GABRG2: variants seen among roughly 807,000 people sequenced by gnomAD.
GABRG2 encodes the protein gamma-aminobutyric acid receptor subunit gamma-2.
Under a neutral mutation model 56.4 loss-of-function variants are expected in GABRG2, and 16 were observed. That is an observed-to-expected ratio of 0.28 (90% confidence interval 0.19 to 0.43). GABRG2 has a LOEUF of 0.43. Among genes scored for constraint, GABRG2 ranks in the 20% least tolerant of loss-of-function variants. GABRG2 has a pLI of 1.00. For synonymous variants in GABRG2, 208 were observed against 205.5 expected, an observed-to-expected ratio of 1.01 and a Z score of -0.10; for missense variants, 327 against 582.7, an observed-to-expected ratio of 0.56 and a Z score of 4.52.
intron 6 of GABRG2, among the ~76,000 whole-genome samples, chr5:162,112,260 A>AT (rs3839307): frequency 2.1e-4 from 31 of 150,748 alleles, no homozygotes; most frequent in African/African-American, 6.6e-4. Context: ...TCAAAAAAGC[A>AT]TTTTTTTTTT....
At chr5:162,113,132 G>A (rs1762372683) in intron 6 of GABRG2, among the ~76,000 whole-genome samples, 1 of 151,924 alleles carries the variant, frequency 6.6e-6, no homozygotes, top group Admixed American at 6.6e-5. Flanking sequence ...TAGAGACGGG[G>A]TTTCACCATG....
chr5:162,085,896 A>C (rs1243949064), intron 1 of GABRG2, among the ~76,000 whole-genome samples: 7 of 151,706 alleles, frequency 4.6e-5, no homozygotes, highest in Admixed American at 4.6e-4. Flanking sequence ...ATGTCCCTGC[A>C]AAGGACATGA....
chr5:162,116,690 A>G (rs969757179), intron 6 of GABRG2, among the ~76,000 whole-genome samples: 5 of 151,962 alleles, frequency 3.3e-5, no homozygotes, highest in African/African-American at 4.8e-5. Context: ...TAACAATAGT[A>G]TAATCCTTTA....
At chr5:162,145,606 GTC>G (rs766135250) in intron 7 of GABRG2, among the ~76,000 whole-genome samples, 4 of 152,184 alleles carry the variant, frequency 2.6e-5, no homozygotes, top group Non-Finnish European at 5.9e-5. Context: ...TTCTTCAAGA[GTC>G]TACTTCTACA....
rs1332659251 is a variant in GABRG2 at position 162,125,756 on chromosome 5, A to C, written c.770-16408A>C. On this transcript the variant is annotated intron_variant, in intron 6 of 9. Transcript: ENST00000639213. Reference sequence around the variant, plus strand: ...AGTGGTTGTAATGACCAACCAAAAAACTTACACAGAGTAAGGAAGGAGAGA... The same window carrying C: ...AGTGGTTGTAATGACCAACCAAAAACCTTACACAGAGTAAGGAAGGAGAGA... Among the ~76,000 whole-genome samples, 7 of 151,944 alleles carry C rather than the reference A, an allele frequency of 4.6e-5. No individual in the cohort carries two copies. The East Asian group carries it at 1.2e-3, about 25-fold the overall frequency.
At chr5:162,125,710 A>G (rs115562073) in intron 6 of GABRG2, among the ~76,000 whole-genome samples, 2,439 of 151,914 alleles carry the variant, frequency 0.016, 71 homozygotes, top group African/African-American at 0.055. Flanking sequence ...TGAACGTAAT[A>G]AAAGACAGGA....
chr5:162,149,278 C>A lies in GABRG2; in HGVS notation c.1093C>A (p.Pro365Thr). ...TLHYFVSNRK[P>T]SKDKDKKKKN... ...GCATTATTTTGTCAGCAACCGGAAA[C>A]CAAGCAAGGACAAAGATAAAAAGAA... is the stretch of plus-strand genomic sequence containing the variant. The change falls in exon 8 of 10, where the codon CCA becomes ACA. Residue 365 changes from proline to threonine, a missense_variant. This residue lies in a region of GABRG2 where 108 missense variants were observed against 144.2 expected (regional missense o/e 0.75). Coordinates refer to ENST00000639213, the MANE Select transcript of GABRG2 (RefSeq NM_198904.4). 1 of 1,614,094 alleles carries A rather than the reference C, an allele frequency of 6.2e-7. No homozygotes were observed. Among genetic ancestry groups the A allele is most frequent in the Non-Finnish European group, 8.5e-7 (1 of 1,180,020 alleles).
At chr5:162,152,086 C>G (rs780335690) in intron 9 of GABRG2, 7 of 243,204 alleles carry the variant, frequency 2.9e-5, no homozygotes, top group Non-Finnish European at 5.5e-5. Flanking sequence ...CAAGTTTGTA[C>G]TCTTTTAAAA....
At position 162,153,755 on chromosome 5, in the gene GABRG2, G is replaced by C; in HGVS notation, c.*387G>C. ...AAACTGTACCCTATGTTCACTCCGG[G>C]TCAAGTTGTGATAAATTTGATCCCA... On this transcript the variant is annotated 3_prime_UTR_variant, in exon 10 of 10. Transcript: ENST00000639213. The C allele has an allele frequency of 4.3e-6, 1 of 232,332 alleles. No homozygotes were observed. The highest frequency in any genetic ancestry group is 1.0e-4 in the East Asian group (1 of 9,766). The allele number at this position is 232,332 out of a possible 1,614,324, so 14.4% of individuals were successfully genotyped here.
At chr5:162,126,809 T>A (rs1023437258) in intron 6 of GABRG2, among the ~76,000 whole-genome samples, 1 of 152,000 alleles carries the variant, frequency 6.6e-6, no homozygotes, top group African/African-American at 2.4e-5. Context: ...AAAACTCCTG[T>A]ATGTCCTTGA....
At chr5:162,114,448 A>C (rs1762471285) in intron 6 of GABRG2, among the ~76,000 whole-genome samples, 1 of 152,040 alleles carries the variant, frequency 6.6e-6, no homozygotes, top group Non-Finnish European at 1.5e-5. Flanking sequence ...GAGGCAGGAG[A>C]ATCGCTTGAA....
intron 1 of GABRG2, among the ~76,000 whole-genome samples, chr5:162,087,599 G>A (rs1375914236): frequency 1.3e-5 from 2 of 152,082 alleles, no homozygotes; most frequent in African/African-American, 4.8e-5. Flanking sequence ...TCTTTGGGTT[G>A]AAGTCAATGC....
chr5:162,142,561 A>G (rs1451276966), intron 7 of GABRG2: 4 of 400,562 alleles, frequency 1.0e-5, no homozygotes, highest in East Asian at 5.9e-5. Context: ...ATGGAATACT[A>G]TGCAGCCATA....
Position 162,154,981 on chromosome 5 carries a change from A to G in GABRG2, c.*1613A>G, listed in dbSNP as rs1765614304. On this transcript the variant is annotated 3_prime_UTR_variant, in exon 10 of 10. Transcript: ENST00000639213. ...ACTCATCCTGAATCCTTATTTTTCTAAAATAGCACCCTTTGTTAATTATTT... is the reference window on the plus strand; with the variant it reads ...ACTCATCCTGAATCCTTATTTTTCTGAAATAGCACCCTTTGTTAATTATTT... 2 of 152,142 alleles carry G rather than the reference A, an allele frequency of 1.3e-5. No individual in the cohort carries two copies. Among genetic ancestry groups the G allele is most frequent in the Admixed American group, 1.3e-4 (2 of 15,246 alleles). The allele number at this position is 152,142 out of a possible 1,614,324, so 9.4% of individuals were successfully genotyped here. A position where few individuals can be genotyped will look rare whatever the true frequency, so the allele number is the denominator to read the frequency against.
intron 3 of GABRG2, among the ~76,000 whole-genome samples, chr5:162,096,732 C>T (rs1439876141): frequency 6.6e-6 from 1 of 151,372 alleles, no homozygotes; most frequent in East Asian, 1.9e-4. Context: ...CTGAATTTCA[C>T]ACCATATCTG....
At chr5:162,137,909 G>A (rs929362918) in intron 6 of GABRG2, among the ~76,000 whole-genome samples, 11 of 151,434 alleles carry the variant, frequency 7.3e-5, no homozygotes, top group South Asian at 2.1e-4. Flanking sequence ...ATGCCACCAC[G>A]CCTGGCTAAT....
In GABRG2 at chr5:162,067,793, G is replaced by T. The variant is rs1442607445; in HGVS notation, c.-207G>T. The T allele has an allele frequency of 3.7e-5, 23 of 613,914 alleles. 1 individual carries two copies. In the South Asian group the frequency reaches 4.2e-4, roughly 11 times the overall value. The allele number at this position is 613,914 out of a possible 1,614,324, so 38.0% of individuals were successfully genotyped here. ...CCGCTGCCAGAGTGACGCTTTGATG[G>T]TATCTGCAAGCGTTTTTGCTGATCT... On this transcript the variant is annotated 5_prime_UTR_variant, in exon 1 of 10. Coordinates refer to ENST00000639213, the MANE Select transcript of GABRG2 (RefSeq NM_198904.4).
intron 1 of GABRG2, among the ~76,000 whole-genome samples, chr5:162,090,366 G>C (rs548792917): frequency 2.7e-5 from 4 of 148,640 alleles, no homozygotes; most frequent in Non-Finnish European, 5.9e-5. Flanking sequence ...TACAGGACCA[G>C]GAATATGTGC....
chr5:162,130,087 G>GTTCGAACCAACTCTATA (rs1375964130), intron 6 of GABRG2, among the ~76,000 whole-genome samples: 1 of 151,846 alleles, frequency 6.6e-6, no homozygotes, highest in Non-Finnish European at 1.5e-5. Context: ...ACTCTATATA[G>GTTCGAACCAACTCTATA]TATGGTAAAG....
Sources: allele counts gnomAD v4.1 joint callset (sites outside exome capture counted in the v4.1 genomes callset), GRCh38; gene constraint gnomAD v4.1.1; regional missense constraint gnomAD v4.1.1; transcripts MANE v1.5; gene names NCBI Gene and HGNC (gene_info 2026-07-23, HGNC 2026-07-21).